RSRC1: variants seen among roughly 807,000 people sequenced by gnomAD.
RSRC1 encodes the protein serine/Arginine-related protein 53.
RSRC1 carries 39 observed loss-of-function variants against 49.1 expected under a neutral mutation model. The ratio of observed to expected loss-of-function variants is 0.79; its 90% confidence interval spans 0.61 to 1.04. RSRC1 has a LOEUF of 1.04. Among genes scored for constraint, RSRC1 ranks in the 50% least tolerant of loss-of-function variants. The pLI, the probability that RSRC1 is intolerant of heterozygous loss-of-function variation, is 0.00. For missense variants in RSRC1, 388 were observed against 402.4 expected (o/e 0.96, Z 0.31); for synonymous variants, 143 against 130.8 (o/e 1.09, Z -0.63).
At chr3:158,137,651 T>G (rs1716462814) in intron 3 of RSRC1, among the ~76,000 whole-genome samples, 1 of 96,880 alleles carries the variant, frequency 1.0e-5, no homozygotes, top group South Asian at 3.3e-4. Flanking sequence ...GACTTTTTCT[T>G]TTTCTTTTTT....
chr3:158,238,173 C>T (rs1438946563), intron 4 of RSRC1, among the ~76,000 whole-genome samples: 1 of 152,066 alleles, frequency 6.6e-6, no homozygotes, highest in Non-Finnish European at 1.5e-5. Flanking sequence ...ATGTGAAGGA[C>T]CTCTTCAAGG....
At chr3:158,500,860 A>T (rs1739562228) in intron 7 of RSRC1, among the ~76,000 whole-genome samples, 1 of 151,644 alleles carries the variant, frequency 6.6e-6, no homozygotes, top group Admixed American at 6.6e-5. Context: ...AATTTCATTT[A>T]GTTCTGCTCT....
At chr3:158,151,164 TAATA>T (rs1454224877) in intron 3 of RSRC1, among the ~76,000 whole-genome samples, 1 of 152,160 alleles carries the variant, frequency 6.6e-6, no homozygotes, top group Non-Finnish European at 1.5e-5. Flanking sequence ...TTATTTACTA[TAATA>T]AATAAAGTGA....
chr3:158,242,056 T>TTTTTTG (rs1553773690), intron 4 of RSRC1, among the ~76,000 whole-genome samples: 37 of 146,142 alleles, frequency 2.5e-4, no homozygotes, highest in South Asian at 1.3e-3. Flanking sequence ...TTTTTTTTTT[T>TTTTTTG]TTAGTTTAGG....
intron 1 of RSRC1, among the ~76,000 whole-genome samples, chr3:158,118,247 G>T (rs1325411026): frequency 6.6e-6 from 1 of 152,114 alleles, no homozygotes; most frequent in East Asian, 1.9e-4. Context: ...ACCGTGCCTG[G>T]CCTTAATTTT....
At chr3:158,319,483 C>T (rs937329374) in intron 5 of RSRC1, among the ~76,000 whole-genome samples, 1 of 152,092 alleles carries the variant, frequency 6.6e-6, no homozygotes, top group Non-Finnish European at 1.5e-5. Context: ...AATACAATGT[C>T]TAGTGGACTT....
chr3:158,306,916 G>A (rs965938840), intron 5 of RSRC1, among the ~76,000 whole-genome samples: 5 of 151,568 alleles, frequency 3.3e-5, no homozygotes, highest in African/African-American at 4.8e-5. Flanking sequence ...AATGTTGTGC[G>A]TTTATTGACT....
intron 3 of RSRC1, among the ~76,000 whole-genome samples, chr3:158,171,209 T>C (rs1718862106): frequency 6.6e-6 from 1 of 152,188 alleles, no homozygotes; most frequent in Admixed American, 6.5e-5. Flanking sequence ...GGTAGAACTT[T>C]TGATCTAAAC....
At chr3:158,497,892 T>A (rs944294139) in intron 7 of RSRC1, among the ~76,000 whole-genome samples, 3 of 152,164 alleles carry the variant, frequency 2.0e-5, no homozygotes, top group Non-Finnish European at 2.9e-5. Flanking sequence ...TTAATTCCTT[T>A]TTATGGCTGA....
At chr3:158,491,374 C>T (rs1318424935) in intron 7 of RSRC1, among the ~76,000 whole-genome samples, 2 of 152,146 alleles carry the variant, frequency 1.3e-5, no homozygotes, top group Non-Finnish European at 2.9e-5. Flanking sequence ...CTTGAACTGA[C>T]TTTCACAGCC....
At chr3:158,294,875 G>A (rs1443671325) in intron 4 of RSRC1, among the ~76,000 whole-genome samples, 2 of 152,128 alleles carry the variant, frequency 1.3e-5, no homozygotes, top group African/African-American at 4.8e-5. Flanking sequence ...GAATAGTACT[G>A]CTCAGAGACC....
intron 7 of RSRC1, among the ~76,000 whole-genome samples, chr3:158,504,280 T>C (rs1739749181): frequency 6.6e-6 from 1 of 152,194 alleles, no homozygotes; most frequent in Non-Finnish European, 1.5e-5. Flanking sequence ...CTGTGGGTCC[T>C]CTCCGGATTG....
intron 4 of RSRC1, among the ~76,000 whole-genome samples, chr3:158,268,580 A>C (rs1444262009): frequency 6.6e-6 from 1 of 152,196 alleles, no homozygotes; most frequent in African/African-American, 2.4e-5. Context: ...TAAAACAATA[A>C]ATATAACAGT....
At position 158,438,657 on chromosome 3, in the gene RSRC1, C is replaced by A. The variant is rs189498049; in HGVS notation, c.584-22278C>A. On this transcript the variant is annotated intron_variant, in intron 6 of 9. Coordinates refer to ENST00000611884, the MANE Select transcript of RSRC1 (RefSeq NM_001271838.2). ...CTGGATCACTTCCTTACACCATATA[C>A]AAAAATTAATTCAAGATGGATTAAA... is the stretch of plus-strand genomic sequence containing the variant. Among the ~76,000 whole-genome samples, 465 of 152,148 alleles carry A rather than the reference C, an allele frequency of 3.1e-3. 5 individuals are homozygous for A. Among genetic ancestry groups the A allele is most frequent in the African/African-American group, 0.011 (452 of 41,464 alleles).
At chr3:158,228,050 G>A (rs1332985048) in intron 4 of RSRC1, among the ~76,000 whole-genome samples, 1 of 151,930 alleles carries the variant, frequency 6.6e-6, no homozygotes, top group African/African-American at 2.4e-5. Flanking sequence ...CCCAACATAT[G>A]TGTTGGGGAA....
intron 7 of RSRC1, among the ~76,000 whole-genome samples, chr3:158,500,106 G>C (rs1011630762): frequency 2.6e-5 from 4 of 152,324 alleles, no homozygotes; most frequent in African/African-American, 9.6e-5. Flanking sequence ...TGCTTTTTCT[G>C]CATCTATTGA....
intron 6 of RSRC1, among the ~76,000 whole-genome samples, chr3:158,411,664 C>T (rs1004972568): frequency 1.3e-5 from 2 of 152,020 alleles, no homozygotes; most frequent in Non-Finnish European, 2.9e-5. Flanking sequence ...ATTACAGGCA[C>T]ACACTACCAC....
intron 5 of RSRC1, among the ~76,000 whole-genome samples, chr3:158,314,365 T>A (rs1396478428): frequency 6.6e-6 from 1 of 151,994 alleles, no homozygotes; most frequent in Non-Finnish European, 1.5e-5. Context: ...AGTGCTGGGA[T>A]TACAGGTGTG....
intron 4 of RSRC1, among the ~76,000 whole-genome samples, chr3:158,237,758 C>A (rs749239640): frequency 6.6e-6 from 1 of 152,270 alleles, no homozygotes; most frequent in African/African-American, 2.4e-5. Flanking sequence ...CAGACAGGGA[C>A]AATTTGACTT....
Sources: allele counts gnomAD v4.1 joint callset (sites outside exome capture counted in the v4.1 genomes callset), GRCh38; gene constraint gnomAD v4.1.1; transcripts MANE v1.5; gene names NCBI Gene and HGNC (gene_info 2026-07-23, HGNC 2026-07-21).